HRH1: variants seen among roughly 807,000 people sequenced by gnomAD.
HRH1 encodes histamine H1 receptor.
In HRH1, 6 loss-of-function variants were observed where a neutral mutation model predicts 10.3. The observed-to-expected ratio is 0.58, with a 90% CI of 0.32 to 1.15. HRH1 has a LOEUF of 1.15. HRH1 is among the 50% of genes most tolerant of loss of function. The probability of loss-of-function intolerance (pLI) is 0.05; values close to 1 mark genes in which losing one functional copy is unlikely to be tolerated. For missense variants in HRH1, 514 were observed against 615.3 expected (o/e 0.84, Z 1.74); for synonymous variants, 242 against 236.7 (o/e 1.02, Z -0.21).
At chr3:11,195,582 T>C (rs1233238272) in intron 1 of HRH1, among the ~76,000 whole-genome samples, 1 of 152,218 alleles carries the variant, frequency 6.6e-6, no homozygotes, top group East Asian at 1.9e-4. Context: ...CATGACAGTA[T>C]TGGATGAAAT....
Position 11,205,848 on chromosome 3 carries a change from G to A in HRH1, c.-36+51294G>A, listed in dbSNP as rs1259398582. 3.9e-5 allele frequency among the ~76,000 whole-genome samples: 6 copies of A among 152,080 alleles called. No homozygotes were observed. In the South Asian group the frequency reaches 1.2e-3, roughly 32 times the overall value. The stretch of plus-strand genomic sequence containing the variant: ...AGTTAATTTTTGTATTTTTAGTAGA[G>A]ATGGGGTTTCACCATATTGGCCAAG... On this transcript the variant is annotated intron_variant, in intron 1 of 1. Transcript: ENST00000431010.
intron 1 of HRH1, among the ~76,000 whole-genome samples, chr3:11,206,214 A>G (rs943161607): frequency 3.3e-5 from 5 of 152,278 alleles, no homozygotes; most frequent in Non-Finnish European, 5.9e-5. Flanking sequence ...TCCCAGGTTC[A>G]AGTGATTCTC....
Position 11,143,567 on chromosome 3 carries a change from C to T in HRH1, c.-36+6168C>T, listed in dbSNP as rs61253870. ...GAACTTCCAGATGCCTATTCTAGTCCGCAGGTTCATTGGTTGGGTTAATCC... is the reference window on the plus strand; with the variant it reads ...GAACTTCCAGATGCCTATTCTAGTCTGCAGGTTCATTGGTTGGGTTAATCC... On this transcript the variant is annotated intron_variant, in intron 1 of 1. Coordinates refer to the HRH1 transcript ENST00000438284. Among the ~76,000 whole-genome samples, 700 of 152,312 alleles carry T rather than the reference C, an allele frequency of 4.6e-3. 3 individuals are homozygous for T. The highest frequency in any genetic ancestry group is 0.016 in the African/African-American group (656 of 41,560).
intron 1 of HRH1, among the ~76,000 whole-genome samples, chr3:11,222,515 T>G (rs1172946008): frequency 6.6e-6 from 1 of 152,146 alleles, no homozygotes; most frequent in Non-Finnish European, 1.5e-5. Context: ...CTATGTAAAA[T>G]GCTTAGAACC....
rs202046050 is a variant in HRH1 at position 11,259,475 on chromosome 3, C to T, written c.438C>T (p.Ala146=). ...ATCGTACCAAGACCCGAGCCTCGGC[C>T]ACCATTCTGGGGGCCTGGTTTCTCT... The part of the protein sequence containing the change: ...LKYRTKTRAS[A]TILGAWFLSF... The change falls in exon 2 of 2, where the codon GCC becomes GCT. Residue 146 remains alanine (A), a synonymous_variant. Transcript: ENST00000431010. This position sits in a 1 kb window ranked among gnomAD's most constrained non-coding sequence, Gnocchi z 4.6. 127 of 1,613,924 alleles carry T rather than the reference C, an allele frequency of 7.9e-5. No individual in the cohort carries two copies. Among genetic ancestry groups the T allele is most frequent in the South Asian group, 4.3e-4 (39 of 91,076 alleles).
At chr3:11,176,947 G>A (rs1937259929) in intron 1 of HRH1, among the ~76,000 whole-genome samples, 1 of 152,116 alleles carries the variant, frequency 6.6e-6, no homozygotes, top group East Asian at 1.9e-4. Flanking sequence ...ACAAAAATTA[G>A]TTGGGCGTGG....
At chr3:11,213,595 T>C (rs1938396918) in intron 1 of HRH1, among the ~76,000 whole-genome samples, 1 of 152,054 alleles carries the variant, frequency 6.6e-6, no homozygotes, top group Admixed American at 6.5e-5. Flanking sequence ...CCTCCTGTGA[T>C]GGAAGAGGTG....
intron 1 of HRH1, among the ~76,000 whole-genome samples, chr3:11,138,835 C>T (rs192072057): frequency 4.6e-5 from 7 of 151,072 alleles, no homozygotes; most frequent in African/African-American, 1.7e-4. Flanking sequence ...CCACCATGTC[C>T]GCCCAAATTT....
intron 1 of HRH1, among the ~76,000 whole-genome samples, chr3:11,251,499 G>C (rs1243136849): frequency 6.6e-6 from 1 of 152,098 alleles, no homozygotes; most frequent in African/African-American, 2.4e-5. Flanking sequence ...CATTAGGTAG[G>C]GTGTCTCCGT....
chr3:11,256,788 A>G (rs970155238), intron 1 of HRH1, among the ~76,000 whole-genome samples: 2 of 151,990 alleles, frequency 1.3e-5, no homozygotes, highest in African/African-American at 4.8e-5. Context: ...ACAGAGCGAG[A>G]CTCCGTCTCT....
At chr3:11,187,774 T>G (rs1559264194) in intron 1 of HRH1, among the ~76,000 whole-genome samples, 1 of 152,240 alleles carries the variant, frequency 6.6e-6, no homozygotes, top group Non-Finnish European at 1.5e-5. Context: ...GTTGTAAACA[T>G]GTAAACGTGG....
intron 1 of HRH1, among the ~76,000 whole-genome samples, chr3:11,140,228 TA>T (rs948253527): frequency 1.3e-5 from 2 of 152,104 alleles, no homozygotes; most frequent in Non-Finnish European, 2.9e-5. Flanking sequence ...CAGAGAGAAG[TA>T]GTGAAGATTG....
upstream of HRH1, among the ~76,000 whole-genome samples, chr3:11,152,635 C>G (rs1936665101): frequency 6.7e-6 from 1 of 149,426 alleles, no homozygotes; most frequent in Non-Finnish European, 1.5e-5. Flanking sequence ...CCCCCTCCCA[C>G]CTCCATCCCC....
intron 1 of HRH1, among the ~76,000 whole-genome samples, chr3:11,223,353 G>A (rs1255836145): frequency 3.3e-5 from 5 of 150,868 alleles, no homozygotes; most frequent in Non-Finnish European, 7.4e-5. Flanking sequence ...AAAAAAATCA[G>A]CCGGGGGTGG....
At chr3:11,183,048 A>G (rs1574994051) in intron 1 of HRH1, among the ~76,000 whole-genome samples, 1 of 151,896 alleles carries the variant, frequency 6.6e-6, no homozygotes, top group African/African-American at 2.4e-5. Context: ...TGGAAGATGC[A>G]CTCCTCCCGC....
intron 1 of HRH1, among the ~76,000 whole-genome samples, chr3:11,137,917 C>G (rs1408581169): frequency 6.6e-6 from 1 of 151,888 alleles, no homozygotes; most frequent in Non-Finnish European, 1.5e-5. Flanking sequence ...CAAAAGGAGC[C>G]CCAGTGTAAA....
At chr3:11,243,683 T>C (rs1050751271) in intron 1 of HRH1, among the ~76,000 whole-genome samples, 3 of 152,208 alleles carry the variant, frequency 2.0e-5, no homozygotes, top group Non-Finnish European at 4.4e-5. Context: ...CTTTGAGTCT[T>C]TCTTCTACTG....
chr3:11,247,348 C>T (rs1939516670), intron 1 of HRH1, among the ~76,000 whole-genome samples: 1 of 152,120 alleles, frequency 6.6e-6, no homozygotes, highest in Admixed American at 6.6e-5. Context: ...CAGGAGGATG[C>T]AGCTTGCACC....
rs532848763 is a variant in HRH1 at position 11,260,530 on chromosome 3, G to T, written c.*29G>T. Reference sequence around the variant, plus strand: ...AGGCTCTGAGGGGATGCAACAAAATGATCCTTATGATGTCCAACAAGGAAA... The same window carrying T: ...AGGCTCTGAGGGGATGCAACAAAATTATCCTTATGATGTCCAACAAGGAAA... On this transcript the variant is annotated 3_prime_UTR_variant, in exon 2 of 2. Transcript: ENST00000431010. 2.0e-6 allele frequency: 3 copies of T among 1,535,388 alleles called. No homozygotes were observed. Among genetic ancestry groups the T allele is most frequent in the South Asian group, 2.6e-5 (2 of 77,770 alleles).
Sources: allele counts gnomAD v4.1 joint callset (sites outside exome capture counted in the v4.1 genomes callset), GRCh38; gene constraint gnomAD v4.1.1; non-coding constraint Gnocchi (gnomAD v3.1); transcripts MANE v1.5; gene names NCBI Gene and HGNC (gene_info 2026-07-23, HGNC 2026-07-21).